The following SCAF4 variants were observed in gnomAD, a reference collection of about 807,000 sequenced individuals.
The protein encoded by SCAF4 is SR-related CTD associated factor 4, also known as SR-related and CTD-associated factor 4.
A neutral mutation model predicts 129.8 loss-of-function variants in SCAF4; 25 were observed. The ratio of observed to expected loss-of-function variants is 0.19; its 90% confidence interval spans 0.14 to 0.27. SCAF4 has a LOEUF of 0.27. Ranked by LOEUF, SCAF4 falls within the 10% of genes least tolerant of loss-of-function variation. SCAF4 has a pLI of 1.00. For missense variants in SCAF4, 1,246 were observed against 1,457.1 expected (o/e 0.86, Z 2.36); for synonymous variants, 551 against 497.7 (o/e 1.11, Z -1.43).
At chr21:31,731,638 C>A (rs747800354) in intron 1 of SCAF4, 25 bp downstream of exon 1, 4 of 1,584,734 alleles carry the variant, frequency 2.5e-6, no homozygotes, top group South Asian at 1.1e-5. Flanking sequence ...AGGCCCGGCA[C>A]CCCCCTGCCC....
intron 16 of SCAF4, 68 bp from the exon 17 acceptor site, chr21:31,685,801 T>C: frequency 7.0e-7 from 1 of 1,422,108 alleles, no homozygotes; most frequent in East Asian, 2.3e-5. Context: ...TAAGCACAGA[T>C]AAAAGAGCAA....
At chr21:31,720,969 T>C (rs953858676) in intron 1 of SCAF4, among the ~76,000 whole-genome samples, 11 of 152,244 alleles carry the variant, frequency 7.2e-5, no homozygotes, top group Admixed American at 5.2e-4. Flanking sequence ...CTGACATTTC[T>C]GTGTATTTTA....
intron 16 of SCAF4, 76 bp downstream of exon 16, chr21:31,688,231 G>A: frequency 7.2e-7 from 1 of 1,395,008 alleles, no homozygotes; most frequent in Non-Finnish European, 9.7e-7. Flanking sequence ...TATGAATCCA[G>A]ACATATATCT....
chr21:31,671,282 CCCCACCAGCTGGCGCGGGGCTGCAGTA>C lies in SCAF4; in HGVS notation c.*90_*116del. ...GGAAGCAATCAAATTGCTTACAGTT[CCCCACCAGCTGGCGCGGGGCTGCAGTA>C]CAGCGGGAGCGGATATAATACAGCA... On this transcript the variant is annotated 3_prime_UTR_variant, in exon 20 of 20. Transcript: ENST00000286835. 1 of 1,150,682 alleles carries C rather than the reference CCCCACCAGCTGGCGCGGGGCTGCAGTA, an allele frequency of 8.7e-7. No individual in the cohort carries two copies. The highest frequency in any genetic ancestry group is 1.2e-6 in the Non-Finnish European group (1 of 844,094). The allele number at this position is 1,150,682 out of a possible 1,614,324, so 71.3% of individuals were successfully genotyped here.
chr21:31,693,533 A>G (rs2123540032), intron 11 of SCAF4, 49 bp from the exon 12 acceptor site: 1 of 1,227,998 alleles, frequency 8.1e-7, no homozygotes. Context: ...GACAAAAACC[A>G]GAAAATATAA....
intron 1 of SCAF4, among the ~76,000 whole-genome samples, chr21:31,725,931 T>C (rs2051191533): frequency 6.6e-6 from 1 of 152,212 alleles, no homozygotes; most frequent in Non-Finnish European, 1.5e-5. Context: ...AATAAGTTTA[T>C]TGTTATTTTT....
Position 31,709,774 on chromosome 21 carries a change from G to C in SCAF4, c.31-3417C>G, listed in dbSNP as rs150861047. 3.1e-4 allele frequency among the ~76,000 whole-genome samples: 47 copies of C among 151,222 alleles called. No individual in the cohort carries two copies. In the East Asian group the frequency reaches 9.2e-3, roughly 30 times the overall value. On this transcript the variant is annotated intron_variant, in intron 1 of 19. Transcript: ENST00000286835. ...TTTGAGTGCTTTACCAGGCAGCAAT[G>C]AGTTTAAGTGATATGTTGTATTTTT...
Position 31,685,029 on chromosome 21 carries a change from G to T in SCAF4, c.2488+20C>A, listed in dbSNP as rs371162237. On this transcript the variant is annotated intron_variant, in intron 19 of 19. Coordinates refer to ENST00000286835, the MANE Select transcript of SCAF4 (RefSeq NM_020706.2). ...GGGGGGTGGGGCAAGGAAAACTAAT[G>T]ATAAAAAAAAATAACTTACCAAGAA... 41 of 1,450,202 alleles carry T rather than the reference G, an allele frequency of 2.8e-5. No homozygotes were observed. The African/African-American group carries it at 5.4e-4, about 19-fold the overall frequency. The allele number at this position is 1,450,202 out of a possible 1,614,324, so 89.8% of individuals were successfully genotyped here.
intron 19 of SCAF4, chr21:31,683,958 A>AGTCT (rs1255965987): frequency 1.3e-5 from 2 of 153,534 alleles, no homozygotes; most frequent in Non-Finnish European, 2.9e-5. Flanking sequence ...TTATCAGCCT[A>AGTCT]AGCTTAGTCT....
chr21:31,717,906 C>CAT (rs1555854133), intron 1 of SCAF4, among the ~76,000 whole-genome samples: 16 of 44,130 alleles, frequency 3.6e-4, no homozygotes, highest in African/African-American at 1.1e-3. Context: ...CACATATATA[C>CAT]ACACACACAC....
At chr21:31,718,378 C>CAAA (rs1297538807) in intron 1 of SCAF4, among the ~76,000 whole-genome samples, 2 of 152,188 alleles carry the variant, frequency 1.3e-5, no homozygotes, top group Non-Finnish European at 2.9e-5. Flanking sequence ...AACCACTTTT[C>CAAA]CACTTGCTTA....
chr21:31,679,834 T>TTA (rs1391005455), intron 19 of SCAF4, among the ~76,000 whole-genome samples: 5 of 152,216 alleles, frequency 3.3e-5, no homozygotes, highest in Non-Finnish European at 5.9e-5. Context: ...ATGGTCAACT[T>TTA]CCTACAGATT....
intron 13 of SCAF4, 121 bp from the exon 14 acceptor site, chr21:31,692,051 A>C: frequency 1.7e-6 from 1 of 604,688 alleles, no homozygotes; most frequent in Non-Finnish European, 2.9e-6. Flanking sequence ...TGTAAGGTTA[A>C]ATTCATTTCT....
At chr21:31,678,175 C>G (rs770348050) in intron 19 of SCAF4, among the ~76,000 whole-genome samples, 1 of 152,152 alleles carries the variant, frequency 6.6e-6, no homozygotes, top group Non-Finnish European at 1.5e-5. Flanking sequence ...ACATCTGTAC[C>G]TGGGTATCAA....
chr21:31,701,386 T>A (rs946751489), intron 6 of SCAF4, among the ~76,000 whole-genome samples: 1 of 152,182 alleles, frequency 6.6e-6, no homozygotes, highest in Non-Finnish European at 1.5e-5. Flanking sequence ...ATGCTGACAA[T>A]GTCAATGATA....
chr21:31,708,208 C>T (rs536707807), intron 1 of SCAF4, among the ~76,000 whole-genome samples: 6 of 151,850 alleles, frequency 4.0e-5, no homozygotes, highest in East Asian at 3.9e-4. Flanking sequence ...GCCAACGTGG[C>T]GAAACCTCAT....
intron 19 of SCAF4, among the ~76,000 whole-genome samples, chr21:31,674,595 A>T (rs1363868335): frequency 6.6e-6 from 1 of 152,204 alleles, no homozygotes; most frequent in Non-Finnish European, 1.5e-5. Flanking sequence ...ATAACCAGTT[A>T]TATTAAAAAC....
At chr21:31,679,576 T>C (rs566748742) in intron 19 of SCAF4, among the ~76,000 whole-genome samples, 1 of 152,330 alleles carries the variant, frequency 6.6e-6, no homozygotes, top group South Asian at 2.1e-4. Context: ...ATCTTTCAGA[T>C]TGTATTATAC....
rs2050686004 is a variant in SCAF4 at position 31,707,145 on chromosome 21, TCCATAG to T, written c.31-794_31-789del. On this transcript the variant is annotated intron_variant, in intron 1 of 19. Transcript: ENST00000286835. ...ACTGTCTTGGGTGTCAGCTTAACATTCCATAGATGGGGGGGTTACTTTTTATATCCT... is the reference window on the plus strand; with the variant it reads ...ACTGTCTTGGGTGTCAGCTTAACATTATGGGGGGGTTACTTTTTATATCCT... Among the ~76,000 whole-genome samples the T allele has an allele frequency of 2.0e-5, 3 of 152,130 alleles. No homozygotes were observed. The East Asian group carries it at 5.8e-4, about 29-fold the overall frequency.
Sources: gnomAD v4.1 joint callset for allele counts (sites outside exome capture counted in the v4.1 genomes callset) on GRCh38, gnomAD v4.1.1 for gene constraint, MANE v1.5 for transcripts, NCBI Gene and HGNC (gene_info 2026-07-23, HGNC 2026-07-21) for gene names.